MAX: variants seen among roughly 807,000 people sequenced by gnomAD.
The protein encoded by MAX is MYC associated transcriptional regulator X, also known as protein max.
In MAX, 3 loss-of-function variants were observed where a neutral mutation model predicts 22.3. That is an observed-to-expected ratio of 0.13 (90% CI 0.06 to 0.35). MAX has a LOEUF of 0.35. Among genes scored for constraint, MAX ranks in the 10% least tolerant of loss-of-function variants. The probability of loss-of-function intolerance (pLI) is 1.00; values close to 1 mark genes in which losing one functional copy is unlikely to be tolerated. For missense variants in MAX, 119 were observed against 209.4 expected (o/e 0.57, Z 2.66); for synonymous variants, 72 against 77.7 (o/e 0.93, Z 0.39).
rs2063161318 is a variant in MAX at position 65,079,947 on chromosome 14, G to GATACTGTGGGGA, written c.172-1923_172-1912dup. Among the ~76,000 whole-genome samples the GATACTGTGGGGA allele has an allele frequency of 6.6e-6, 1 of 152,172 alleles. No homozygotes were observed. Among genetic ancestry groups the GATACTGTGGGGA allele is most frequent in the Non-Finnish European group, 1.5e-5 (1 of 68,038 alleles). On this transcript the variant is annotated intron_variant, in intron 3 of 4. Coordinates refer to ENST00000358664, the MANE Select transcript of MAX (RefSeq NM_002382.5). This position sits in a 1 kb window ranked among gnomAD's most constrained non-coding sequence, Gnocchi z 4.5. Reference sequence around the variant, plus strand: ...CAAATTACGTACAAGATACTAGGCAGATACTGTGGGGAAACAAAATGTATT... The same window carrying GATACTGTGGGGA: ...CAAATTACGTACAAGATACTAGGCAGATACTGTGGGGAATACTGTGGGGAAACAAAATGTATT...
rs1276903085 is a variant in MAX, at chr14:65,076,375, A to C, written c.*101T>G. On this transcript the variant is annotated 3_prime_UTR_variant, in exon 5 of 5. Transcript: ENST00000358664. This position sits in a 1 kb window ranked among gnomAD's most constrained non-coding sequence, Gnocchi z 6.6. ...AAAAAAAAGGGAGAAAGAGAAAAAT[A>C]AAGAGTCTCTTAAATGGTTCTGAGG... is the stretch of plus-strand genomic sequence containing the variant. 1 of 1,573,460 alleles carries C rather than the reference A, an allele frequency of 6.4e-7. No individual in the cohort carries two copies. Among genetic ancestry groups the C allele is most frequent in the Non-Finnish European group, 8.6e-7 (1 of 1,160,906 alleles).
Position 65,027,306 on chromosome 14 carries a change from G to C in MAX, c.172-21022C>G. On this transcript the variant is annotated intron_variant, in intron 3 of 3. Transcript: ENST00000341653. The surrounding 1 kb of genome is among the most constrained non-coding windows in gnomAD (Gnocchi z 5.7). ...GAGAGAATTAAGCCCTTTGGGGAGA[G>C]GTTATATTCAACAAGTGGGAGGAGA... is the stretch of plus-strand genomic sequence containing the variant. The C allele has an allele frequency of 1.6e-6, 2 of 1,255,578 alleles. No individual in the cohort carries two copies. Among genetic ancestry groups the C allele is most frequent in the Non-Finnish European group, 2.2e-6 (2 of 903,212 alleles). The allele number at this position is 1,255,578 out of a possible 1,614,324, so 77.8% of individuals were successfully genotyped here.
rs577476268 is a variant in MAX at position 65,021,402 on chromosome 14, C to A, written c.172-15118G>T. 3.5e-4 allele frequency among the ~76,000 whole-genome samples: 53 copies of A among 152,250 alleles called. 1 individual carries two copies. Among genetic ancestry groups the A allele is most frequent in the Middle Eastern group, 3.4e-3 (1 of 294 alleles). On this transcript the variant is annotated intron_variant, in intron 3 of 3. Transcript: ENST00000341653. ...TTTCAAAAGGTTGTTAGTAGCTTAT[C>A]CCCGGAATAGCCCCTTAAATATTTT...
Position 65,093,597 on chromosome 14 carries a change from C to A in MAX, c.171+111G>T. On this transcript the variant is annotated intron_variant, in intron 3 of 4. Coordinates refer to ENST00000358664, the MANE Select transcript of MAX (RefSeq NM_002382.5). The surrounding 1 kb of genome is among the most constrained non-coding windows in gnomAD (Gnocchi z 4.4). ...AGTCAAAAATAAGGCAACCATGCTA[C>A]CTGAATATCTCTGACTACATTTCCT... 1.4e-6 allele frequency: 1 copy of A among 736,936 alleles called. No individual in the cohort carries two copies. Among genetic ancestry groups the A allele is most frequent in the Non-Finnish European group, 2.5e-6 (1 of 397,526 alleles). The allele number at this position is 736,936 out of a possible 1,614,324, so 45.6% of individuals were successfully genotyped here. A position where few individuals can be genotyped will look rare whatever the true frequency, so the allele number is the denominator to read the frequency against.
chr14:65,060,769 A>T (rs1021208147), intron 3 of MAX, among the ~76,000 whole-genome samples: 2 of 145,668 alleles, frequency 1.4e-5, no homozygotes, highest in African/African-American at 5.1e-5. Context: ...GCTACTCAGG[A>T]GGCTGAGGCA....
chr14:65,055,855 G>C (rs2062724632), intron 3 of MAX, among the ~76,000 whole-genome samples: 1 of 152,112 alleles, frequency 6.6e-6, no homozygotes, highest in Admixed American at 6.5e-5. Flanking sequence ...ATTTCAAATG[G>C]AAGAAACACA....
intron 1 of MAX, chr14:65,101,807 G>C (rs925981883): frequency 2.4e-5 from 14 of 579,550 alleles, no homozygotes; most frequent in Non-Finnish European, 3.6e-5. Context: ...ACCTGGGCCA[G>C]AGGGGTCCCG....
intron 3 of MAX, among the ~76,000 whole-genome samples, chr14:65,043,720 G>A (rs1275774573): frequency 6.6e-6 from 1 of 150,892 alleles, no homozygotes; most frequent in Non-Finnish European, 1.5e-5. Flanking sequence ...TACTCGGGAG[G>A]CTGAGGCAGG....
intron 3 of MAX, among the ~76,000 whole-genome samples, chr14:65,033,031 A>C (rs565654741): frequency 6.6e-6 from 1 of 152,292 alleles, no homozygotes; most frequent in African/African-American, 2.4e-5. Context: ...TCCCACAGAA[A>C]CCCTTGCACA....
chr14:65,091,405 G>A (rs56106602), intron 3 of MAX, among the ~76,000 whole-genome samples: 2,069 of 152,316 alleles, frequency 0.014, 30 homozygotes, highest in South Asian at 0.02. Flanking sequence ...GGAGGATTCT[G>A]AAATTAGAAT....
At chr14:65,033,557 T>C (rs2062127603) in intron 3 of MAX, among the ~76,000 whole-genome samples, 1 of 152,172 alleles carries the variant, frequency 6.6e-6, no homozygotes, top group South Asian at 2.1e-4. Flanking sequence ...TCCAAATATT[T>C]CATAGTTTAA....
chr14:65,018,084 G>A (rs571838178), intron 3 of MAX, among the ~76,000 whole-genome samples: 2 of 152,244 alleles, frequency 1.3e-5, no homozygotes, highest in East Asian at 1.9e-4. Flanking sequence ...GATCACACCT[G>A]TAACCCCAGC....
chr14:65,054,753 A>G lies in MAX; in HGVS notation c.171+38955T>C. ...GGACCTCGCGGACAGAAGGCTTTCC[A>G]AGTAAGCAGAACTGGCTCTGCATTT... On this transcript the variant is annotated intron_variant, in intron 3 of 3. Transcript: ENST00000341653. This position sits in a 1 kb window ranked among gnomAD's most constrained non-coding sequence, Gnocchi z 4.4. 6.6e-7 allele frequency: 1 copy of G among 1,513,882 alleles called. No homozygotes were observed. Among genetic ancestry groups the G allele is most frequent in the Non-Finnish European group, 9.0e-7 (1 of 1,114,068 alleles). 93.8% of individuals were successfully genotyped at this position (1,513,882 alleles called of 1,614,324 possible).
At chr14:65,019,150 G>T (rs2061839193) in intron 3 of MAX, among the ~76,000 whole-genome samples, 1 of 152,046 alleles carries the variant, frequency 6.6e-6, no homozygotes, top group Non-Finnish European at 1.5e-5. Context: ...TCCAGCCTGG[G>T]CAACAAGAGT....
At chr14:65,021,524 G>A (rs2061885983) in intron 3 of MAX, among the ~76,000 whole-genome samples, 1 of 152,156 alleles carries the variant, frequency 6.6e-6, no homozygotes, top group African/African-American at 2.4e-5. Context: ...TCCTGGCCAG[G>A]TGCTGTTGGC....
intron 3 of MAX, among the ~76,000 whole-genome samples, chr14:65,008,051 C>T (rs1384279804): frequency 6.6e-6 from 1 of 152,166 alleles, no homozygotes; most frequent in Non-Finnish European, 1.5e-5. Flanking sequence ...TTAGAATTTC[C>T]CAGATCCTGA....
At chr14:65,055,035 C>T (rs1359148692) in intron 3 of MAX, among the ~76,000 whole-genome samples, 1 of 152,230 alleles carries the variant, frequency 6.6e-6, no homozygotes, top group Admixed American at 6.5e-5. Context: ...CGTGATAGCA[C>T]TGCAGCCATG....
At chr14:65,026,818 C>T (rs1472303572) in intron 3 of MAX, among the ~76,000 whole-genome samples, 1 of 151,736 alleles carries the variant, frequency 6.6e-6, no homozygotes, top group Non-Finnish European at 1.5e-5. Flanking sequence ...GCTGAGATCA[C>T]ACCACTGCAC....
At chr14:65,094,681 A>C (rs954407566) in intron 2 of MAX, among the ~76,000 whole-genome samples, 2 of 152,228 alleles carry the variant, frequency 1.3e-5, no homozygotes, top group Admixed American at 1.3e-4. Flanking sequence ...AACTGCCAAC[A>C]CCAAATCAGG....
Sources: allele counts gnomAD v4.1 joint callset (sites outside exome capture counted in the v4.1 genomes callset), GRCh38; gene constraint gnomAD v4.1.1; non-coding constraint Gnocchi (gnomAD v3.1); transcripts MANE v1.5; gene names NCBI Gene and HGNC (gene_info 2026-07-23, HGNC 2026-07-21).